The following SEL1L2 variants were observed in gnomAD, a reference collection of about 807,000 sequenced individuals.
SEL1L2 encodes the protein SEL1L2 adaptor subunit of SYVN1 ubiquitin ligase.
Under a neutral mutation model 98.8 loss-of-function variants are expected in SEL1L2, and 89 were observed. That is an observed-to-expected ratio of 0.90 (90% CI 0.76 to 1.07). SEL1L2 has a LOEUF of 1.07. SEL1L2 is among the 50% of genes least tolerant of loss of function. The pLI, the probability that SEL1L2 is intolerant of heterozygous loss-of-function variation, is 0.00. For missense variants in SEL1L2, 788 were observed against 812.0 expected (o/e 0.97, Z 0.36); for synonymous variants, 262 against 278.5 (o/e 0.94, Z 0.59).
chr20:13,913,935 T>C lies in SEL1L2; in HGVS notation c.396A>G (p.Leu132=), dbSNP rs767232570. 5 of 1,561,302 alleles carry C rather than the reference T, an allele frequency of 3.2e-6. No individual in the cohort carries two copies. The highest frequency in any genetic ancestry group is 4.3e-6 in the Non-Finnish European group (5 of 1,162,986). ...KSQKQKEEAY[L]LFAKAADMGN... ...CCATGTCAGCTGCTTTGGCAAAAAG[T>C]AGGTAGGCTCTGTTTCAAGAATATA... Residue 132 remains leucine (L), a synonymous_variant, in exon 5 of 20, where the codon CTA becomes CTG. Coordinates refer to ENST00000284951, the MANE Select transcript of SEL1L2 (RefSeq NM_025229.2).
chr20:13,929,308 A>G (rs889457964), intron 3 of SEL1L2, among the ~76,000 whole-genome samples: 16 of 151,674 alleles, frequency 1.1e-4, no homozygotes, highest in Non-Finnish European at 1.5e-4. Context: ...ACACTGACTT[A>G]GTACTTTTAG....
chr20:13,880,718 C>A (rs2046657545), intron 10 of SEL1L2, among the ~76,000 whole-genome samples: 1 of 152,146 alleles, frequency 6.6e-6, no homozygotes, highest in African/African-American at 2.4e-5. Flanking sequence ...TCTCCTCCCA[C>A]CTCACTTCCA....
chr20:13,985,907 T>C (rs772591462), intron 1 of SEL1L2, among the ~76,000 whole-genome samples: 1 of 152,240 alleles, frequency 6.6e-6, no homozygotes, highest in Non-Finnish European at 1.5e-5. Flanking sequence ...AGTCACATGA[T>C]ATGTGGCCAT....
intron 3 of SEL1L2, among the ~76,000 whole-genome samples, chr20:13,926,044 A>C (rs533288797): frequency 5.6e-4 from 86 of 152,304 alleles, no homozygotes; most frequent in African/African-American, 1.8e-3. Flanking sequence ...CAGGGCCGGG[A>C]GCCGTGGCTC....
At chr20:13,875,615 G>A (rs1568870622) in intron 12 of SEL1L2, among the ~76,000 whole-genome samples, 1 of 152,198 alleles carries the variant, frequency 6.6e-6, no homozygotes. Flanking sequence ...GCCTTTGGAT[G>A]AGATGAGACT....
chr20:13,905,268 G>C (rs970184014), intron 5 of SEL1L2, among the ~76,000 whole-genome samples: 6 of 151,820 alleles, frequency 4.0e-5, no homozygotes. Flanking sequence ...ACGGGCTATC[G>C]TGTAGTAAAT....
intron 3 of SEL1L2, among the ~76,000 whole-genome samples, chr20:13,924,511 A>G (rs2048797712): frequency 6.6e-6 from 1 of 151,708 alleles, no homozygotes; most frequent in Non-Finnish European, 1.5e-5. Flanking sequence ...CTGTAATCTC[A>G]AACTCCTGGG....
At chr20:13,901,455 A>G (rs2047677920) in intron 5 of SEL1L2, among the ~76,000 whole-genome samples, 3 of 152,138 alleles carry the variant, frequency 2.0e-5, no homozygotes, top group Admixed American at 6.5e-5. Context: ...ACTATGTAGT[A>G]TTATCATCAT....
intron 2 of SEL1L2, among the ~76,000 whole-genome samples, chr20:13,941,316 C>A (rs375792655): frequency 6.6e-6 from 1 of 152,216 alleles, no homozygotes; most frequent in Non-Finnish European, 1.5e-5. Context: ...TTTGATATCA[C>A]TTCCCCTCAT....
chr20:13,993,815 T>C (rs1427986180), upstream of SEL1L2, among the ~76,000 whole-genome samples: 1 of 152,248 alleles, frequency 6.6e-6, no homozygotes, highest in African/African-American at 2.4e-5. Flanking sequence ...GTTTTTCTTT[T>C]CTTCCTCACC....
intron 1 of SEL1L2, among the ~76,000 whole-genome samples, chr20:13,987,889 GAT>G (rs2052312624): frequency 6.6e-6 from 1 of 152,174 alleles, no homozygotes; most frequent in African/African-American, 2.4e-5. Context: ...ATTCTCATCA[GAT>G]ATATGAGTCA....
chr20:13,873,229 A>G (rs1230495380), intron 12 of SEL1L2, among the ~76,000 whole-genome samples: 2 of 152,020 alleles, frequency 1.3e-5, no homozygotes, highest in Non-Finnish European at 2.9e-5. Flanking sequence ...ACCTCAAGTG[A>G]TCCACCAGCC....
At chr20:13,871,137 C>A (rs111921641) in intron 12 of SEL1L2, among the ~76,000 whole-genome samples, 112 of 151,988 alleles carry the variant, frequency 7.4e-4, no homozygotes, top group African/African-American at 2.6e-3. Context: ...CAGAGGTTGA[C>A]GTAAATGGCC....
At chr20:13,860,032 A>G (rs1989846864) in intron 17 of SEL1L2, among the ~76,000 whole-genome samples, 1 of 152,068 alleles carries the variant, frequency 6.6e-6, no homozygotes, top group Non-Finnish European at 1.5e-5. Flanking sequence ...AAAACTTACC[A>G]ATTTTACCTT....
chr20:13,913,642 G>T, intron 5 of SEL1L2, 140 bp downstream of exon 5: 1 of 688,406 alleles, frequency 1.5e-6, no homozygotes, highest in Non-Finnish European at 2.2e-6. Context: ...TGACACCACT[G>T]TTTCAGTGCA....
Position 13,939,035 on chromosome 20 carries a change from G to GTTTTTTTTTTTTTTTT in SEL1L2, c.115-7265_115-7264insAAAAAAAAAAAAAAAA, listed in dbSNP as rs779584914. Among the ~76,000 whole-genome samples the GTTTTTTTTTTTTTTTT allele has an allele frequency of 4.1e-3, 130 of 31,374 alleles. 4 individuals carry two copies. Among genetic ancestry groups the GTTTTTTTTTTTTTTTT allele is most frequent in the African/African-American group, 6.5e-3 (60 of 9,282 alleles). The allele number at this position is 31,374 out of a possible 152,430, so 20.6% of individuals were successfully genotyped here. On this transcript the variant is annotated intron_variant, in intron 2 of 19. Transcript: ENST00000284951. ...TTTTTTCTTTTTGGTTTGTTTGCTTGTTTTGTTTTTTTTTTTTTTTTTTTC... is the reference window on the plus strand; with the variant it reads ...TTTTTTCTTTTTGGTTTGTTTGCTTGTTTTTTTTTTTTTTTTTTTTGTTTTTTTTTTTTTTTTTTTC...
At chr20:13,876,187 A>C in intron 11 of SEL1L2, 72 bp from the exon 12 acceptor site, 1 of 1,098,806 alleles carries the variant, frequency 9.1e-7, no homozygotes, top group African/African-American at 1.5e-5. Flanking sequence ...TTTAAAATGA[A>C]ATAGAGGTAA....
intron 10 of SEL1L2, among the ~76,000 whole-genome samples, chr20:13,883,312 A>T (rs2046801384): frequency 6.6e-6 from 1 of 152,226 alleles, no homozygotes; most frequent in South Asian, 2.1e-4. Context: ...TATCAGGAAG[A>T]GCTAAAGGAA....
chr20:13,855,160 T>C (rs1467777648), intron 18 of SEL1L2, among the ~76,000 whole-genome samples: 1 of 150,702 alleles, frequency 6.6e-6, no homozygotes, highest in Non-Finnish European at 1.5e-5. Flanking sequence ...GGCATAAATA[T>C]GGGGTAAGAT....
Sources: gnomAD v4.1 joint callset for allele counts (sites outside exome capture counted in the v4.1 genomes callset) on GRCh38, gnomAD v4.1.1 for gene constraint, MANE v1.5 for transcripts, NCBI Gene and HGNC (gene_info 2026-07-23, HGNC 2026-07-21) for gene names.